The following RORB variants were observed in gnomAD, a reference collection of about 807,000 sequenced individuals.
The protein encoded by RORB is RAR related orphan receptor B.
RORB carries 6 observed loss-of-function variants against 59.1 expected under a neutral mutation model. The observed-to-expected ratio is 0.10, with a 90% confidence interval of 0.06 to 0.20. The LOEUF (loss-of-function observed/expected upper bound fraction) is 0.20, where lower values mean the gene tolerates loss of function less well. Among genes scored for constraint, RORB ranks in the 10% least tolerant of loss-of-function variants. The pLI, the probability that RORB is intolerant of heterozygous loss-of-function variation, is 1.00. For missense variants in RORB, 320 were observed against 560.5 expected (o/e 0.57, Z 4.33); for synonymous variants, 215 against 204.5 (o/e 1.05, Z -0.44).
chr9:74,617,348 T>C (rs1277238074), intron 1 of RORB, among the ~76,000 whole-genome samples: 3 of 152,198 alleles, frequency 2.0e-5, no homozygotes, highest in Admixed American at 2.0e-4. Flanking sequence ...AAAGTGAAAT[T>C]TGAAAATTAT....
intron 1 of RORB, among the ~76,000 whole-genome samples, chr9:74,508,945 C>T (rs1387562544): frequency 1.3e-5 from 2 of 151,700 alleles, no homozygotes; most frequent in African/African-American, 4.8e-5. Flanking sequence ...TTTTGCCACC[C>T]CTGTATTCGT....
intron 1 of RORB, among the ~76,000 whole-genome samples, chr9:74,599,853 G>T (rs541309947): frequency 6.6e-6 from 1 of 152,208 alleles, no homozygotes; most frequent in African/African-American, 2.4e-5. Context: ...ATCATGGGAC[G>T]AACTTTAAAC....
At chr9:74,560,591 A>G (rs955527101) in intron 1 of RORB, among the ~76,000 whole-genome samples, 5 of 152,078 alleles carry the variant, frequency 3.3e-5, no homozygotes, top group Non-Finnish European at 7.4e-5. Context: ...AAGAGAGACC[A>G]AAAGTGGTTG....
chr9:74,563,998 T>C (rs1822436694), intron 1 of RORB, among the ~76,000 whole-genome samples: 2 of 152,176 alleles, frequency 1.3e-5, no homozygotes, highest in Non-Finnish European at 2.9e-5. Context: ...TGTAGGCAAA[T>C]GGAGAATAGC....
rs906043868 is a variant in RORB, at chr9:74,686,766, T to C, written c.*1148T>C. Reference sequence around the variant, plus strand: ...AAAGAGAAGACCCAGAGTGAAGAAGTAATTCTTTATATTCCTTTCTTTAAT... The same window carrying C: ...AAAGAGAAGACCCAGAGTGAAGAAGCAATTCTTTATATTCCTTTCTTTAAT... On this transcript the variant is annotated 3_prime_UTR_variant, in exon 10 of 10. Coordinates refer to ENST00000376896, the MANE Select transcript of RORB (RefSeq NM_006914.4). 1 of 152,614 alleles carries C rather than the reference T, an allele frequency of 6.6e-6. No homozygotes were observed. Among genetic ancestry groups the C allele is most frequent in the Non-Finnish European group, 1.5e-5 (1 of 68,024 alleles). The allele number at this position is 152,614 out of a possible 1,614,324, so 9.5% of individuals were successfully genotyped here. A position where few individuals can be genotyped will look rare whatever the true frequency, so the allele number is the denominator to read the frequency against.
intron 1 of RORB, among the ~76,000 whole-genome samples, chr9:74,508,980 G>A (rs1272520527): frequency 6.6e-6 from 1 of 151,344 alleles, no homozygotes; most frequent in African/African-American, 2.4e-5. Flanking sequence ...ATCAACTATG[G>A]CATTAATACT....
intron 4 of RORB, among the ~76,000 whole-genome samples, chr9:74,650,737 A>G (rs1022001096): frequency 2.0e-5 from 3 of 152,156 alleles, no homozygotes; most frequent in Non-Finnish European, 2.9e-5. Flanking sequence ...ATTTGACACA[A>G]TAAGGAACCA....
chr9:74,519,906 C>G (rs1297291866), intron 1 of RORB, among the ~76,000 whole-genome samples: 5 of 152,038 alleles, frequency 3.3e-5, no homozygotes, highest in African/African-American at 1.2e-4. Context: ...CATTTCACAG[C>G]AATTTCTAAG....
At chr9:74,566,579 C>T (rs1292448912) in intron 1 of RORB, among the ~76,000 whole-genome samples, 4 of 152,056 alleles carry the variant, frequency 2.6e-5, no homozygotes, top group African/African-American at 9.7e-5. Flanking sequence ...GGTGGATCAC[C>T]TGTGGTCAGG....
intron 4 of RORB, among the ~76,000 whole-genome samples, chr9:74,654,528 T>A (rs1824049463): frequency 6.6e-6 from 1 of 152,208 alleles, no homozygotes; most frequent in South Asian, 2.1e-4. Flanking sequence ...AAAATTTAAT[T>A]TCTCTCTTCT....
intron 1 of RORB, among the ~76,000 whole-genome samples, chr9:74,555,083 G>A (rs572324660): frequency 1.3e-5 from 2 of 152,296 alleles, no homozygotes; most frequent in African/African-American, 2.4e-5. Context: ...TGCATGGCCT[G>A]GCCCCCATTT....
At position 74,690,871 on chromosome 9, in the gene RORB, G is replaced by A. The variant is rs951688946; in HGVS notation, c.*5253G>A. ...AACTCCCTTCTTCATAGAGCCAGGG[G>A]GCTGGATTTCTTGCCACTTTTTTTC... On this transcript the variant is annotated 3_prime_UTR_variant, in exon 10 of 10. Coordinates refer to ENST00000376896, the MANE Select transcript of RORB (RefSeq NM_006914.4). 6.6e-6 allele frequency: 1 copy of A among 152,146 alleles called. No homozygotes were observed. Among genetic ancestry groups the A allele is most frequent in the Non-Finnish European group, 1.5e-5 (1 of 68,034 alleles). 9.4% of individuals were successfully genotyped at this position (152,146 alleles called of 1,614,324 possible).
chr9:74,537,057 A>G (rs1826332264), intron 1 of RORB, among the ~76,000 whole-genome samples: 1 of 152,098 alleles, frequency 6.6e-6, no homozygotes, highest in South Asian at 2.1e-4. Flanking sequence ...AAATAAGGAA[A>G]CTGAGCCCAA....
intron 4 of RORB, among the ~76,000 whole-genome samples, chr9:74,655,162 A>C (rs527264254): frequency 2.0e-5 from 3 of 152,336 alleles, no homozygotes; most frequent in South Asian, 4.1e-4. Context: ...CTCACTGAAC[A>C]CATGTAGGGA....
intron 9 of RORB, among the ~76,000 whole-genome samples, chr9:74,683,365 C>T (rs1379968162): frequency 2.0e-5 from 3 of 152,120 alleles, no homozygotes; most frequent in Non-Finnish European, 4.4e-5. Flanking sequence ...ACACTCTGTA[C>T]CTATGAAAAT....
rs147958627 is a variant in RORB, at chr9:74,525,904, A to G, written c.7+27921A>G. 9.0e-3 allele frequency among the ~76,000 whole-genome samples: 1,367 copies of G among 152,050 alleles called. 20 individuals are homozygous for G. The highest frequency in any genetic ancestry group is 0.031 in the African/African-American group (1,276 of 41,508). Reference sequence around the variant, plus strand: ...AGCAAATGCAAATTTACTAGAGTTAATTACTAAATTTTTTAAAGTATAGGG... The same window carrying G: ...AGCAAATGCAAATTTACTAGAGTTAGTTACTAAATTTTTTAAAGTATAGGG... On this transcript the variant is annotated intron_variant, in intron 1 of 9. Transcript: ENST00000376896.
intron 1 of RORB, among the ~76,000 whole-genome samples, chr9:74,506,711 G>A (rs192091583): frequency 3.9e-5 from 6 of 152,076 alleles, no homozygotes; most frequent in African/African-American, 1.4e-4. Context: ...TGTCACTCTT[G>A]GCCATAACCC....
chr9:74,626,533 T>C (rs919188165), intron 1 of RORB, among the ~76,000 whole-genome samples: 4 of 152,184 alleles, frequency 2.6e-5, no homozygotes, highest in African/African-American at 9.6e-5. Context: ...CTCAGGGCAT[T>C]TCAGTTCCTC....
chr9:74,618,088 A>G (rs1230088238), intron 1 of RORB, among the ~76,000 whole-genome samples: 2 of 152,126 alleles, frequency 1.3e-5, no homozygotes, highest in East Asian at 1.9e-4. Context: ...ATCTATGTTC[A>G]AAAAAATCAA....
Sources: gnomAD v4.1 joint callset for allele counts (sites outside exome capture counted in the v4.1 genomes callset) on GRCh38, gnomAD v4.1.1 for gene constraint, MANE v1.5 for transcripts, NCBI Gene and HGNC (gene_info 2026-07-23, HGNC 2026-07-21) for gene names.